Variants in GTF3C2 observed in about 807,000 individuals in gnomAD.
GTF3C2 encodes the protein general transcription factor IIIC subunit 2, also known as general transcription factor 3C polypeptide 2.
In GTF3C2, 17 loss-of-function variants were observed where a neutral mutation model predicts 117.4. The ratio of observed to expected loss-of-function variants is 0.14; its 90% CI spans 0.10 to 0.22. The LOEUF is 0.22. Among genes scored for constraint, GTF3C2 ranks in the 10% least tolerant of loss-of-function variants. The probability of loss-of-function intolerance (pLI) is 1.00; values close to 1 mark genes in which losing one functional copy is unlikely to be tolerated. For missense variants in GTF3C2, 888 were observed against 1,143.6 expected (o/e 0.78, Z 3.22); for synonymous variants, 437 against 427.0 (o/e 1.02, Z -0.29).
chr2:27,351,419 TATAAA>T (rs1328815736), intron 1 of GTF3C2, among the ~76,000 whole-genome samples: 1 of 151,890 alleles, frequency 6.6e-6, no homozygotes, highest in African/African-American at 2.4e-5. Context: ...ATCTCAAAAA[TATAAA>T]ATAAAATAAT....
chr2:27,326,031 T>C (rs1680062680), exon 19 of GTF3C2: 1 of 261,216 alleles, frequency 3.8e-6, no homozygotes, highest in African/African-American at 2.2e-5. Flanking sequence ...AAAACATGAC[T>C]GTTCAGGAGT....
At chr2:27,349,136 CTGAT>C (rs1558623456) in intron 1 of GTF3C2, among the ~76,000 whole-genome samples, 2 of 114,100 alleles carry the variant, frequency 1.8e-5, no homozygotes, top group Admixed American at 9.4e-5. Context: ...TGTGCCCAGC[CTGAT>C]TTGATTTTTT....
intron 12 of GTF3C2, among the ~76,000 whole-genome samples, chr2:27,331,390 G>C (rs920524875): frequency 9.2e-5 from 14 of 152,122 alleles, no homozygotes; most frequent in African/African-American, 3.4e-4. Flanking sequence ...GCAGTGGCAC[G>C]ATCTTGGCTC....
intron 1 of GTF3C2, chr2:27,350,427 G>C: frequency 1.0e-6 from 1 of 985,504 alleles, no homozygotes; most frequent in Non-Finnish European, 1.2e-6. Flanking sequence ...TCACGATGAG[G>C]GTTGAGGGAA....
intron 1 of GTF3C2, chr2:27,356,075 G>A (rs892216213): frequency 1.4e-5 from 18 of 1,285,416 alleles, no homozygotes; most frequent in Non-Finnish European, 1.7e-5. Context: ...GAACAAAGAG[G>A]TTTGTCCATA....
chr2:27,347,310 A>G (rs1024042906), intron 1 of GTF3C2, among the ~76,000 whole-genome samples: 1 of 152,236 alleles, frequency 6.6e-6, no homozygotes, highest in Non-Finnish European at 1.5e-5. Context: ...TACAAATCCC[A>G]TAAGAAATAT....
rs1680211463 is a variant in GTF3C2, at chr2:27,329,659, A to G, written c.1733-136T>C. On this transcript the variant is annotated intron_variant, in intron 12 of 18. Transcript: ENST00000264720. This position sits in a 1 kb window ranked among gnomAD's most constrained non-coding sequence, Gnocchi z 4.5. Reference sequence around the variant, plus strand: ...ACTATGAAAGGATGTGGGGATCCTGATTAGCTATCCAACACTCCCTCCAGG... The same window carrying G: ...ACTATGAAAGGATGTGGGGATCCTGGTTAGCTATCCAACACTCCCTCCAGG... The G allele has an allele frequency of 3.9e-6, 3 of 771,468 alleles. No homozygotes were observed. Among genetic ancestry groups the G allele is most frequent in the Non-Finnish European group, 4.2e-6 (2 of 473,198 alleles). The allele number at this position is 771,468 out of a possible 1,614,324, so 47.8% of individuals were successfully genotyped here.
chr2:27,331,832 C>G (rs1680281387), intron 12 of GTF3C2, among the ~76,000 whole-genome samples: 1 of 151,940 alleles, frequency 6.6e-6, no homozygotes, highest in East Asian at 1.9e-4. Flanking sequence ...CCAACTACTC[C>G]AGAGGCTGAG....
rs560755846 is a variant in GTF3C2 at position 27,331,248 on chromosome 2, G to A, written c.1733-1725C>T. 1.1e-4 allele frequency among the ~76,000 whole-genome samples: 16 copies of A among 152,284 alleles called. No homozygotes were observed. The East Asian group carries it at 1.4e-3, about 13-fold the overall frequency. On this transcript the variant is annotated intron_variant, in intron 12 of 18. Transcript: ENST00000264720. ...ATACCACCAAAAGAAAAAACATGGC[G>A]AAAGGGATGATAAAAAGACGTGTAA...
intron 1 of GTF3C2, among the ~76,000 whole-genome samples, chr2:27,344,776 G>C (rs1259106698): frequency 6.6e-6 from 1 of 152,024 alleles, no homozygotes; most frequent in Non-Finnish European, 1.5e-5. Flanking sequence ...TTGAGGCCAG[G>C]AGTTCAAGAC....
At chr2:27,353,137 G>A (rs1012765671) in intron 1 of GTF3C2, among the ~76,000 whole-genome samples, 2 of 152,168 alleles carry the variant, frequency 1.3e-5, no homozygotes, top group Non-Finnish European at 2.9e-5. Context: ...GCTCATGCCT[G>A]TAATCTCAGC....
chr2:27,333,447 G>A (rs978884523), intron 12 of GTF3C2, among the ~76,000 whole-genome samples: 4 of 151,772 alleles, frequency 2.6e-5, no homozygotes, highest in East Asian at 1.9e-4. Context: ...GAGCTACCGC[G>A]CCTGGCCCAG....
chr2:27,355,644 G>A (rs1681343640), intron 1 of GTF3C2, among the ~76,000 whole-genome samples: 1 of 152,106 alleles, frequency 6.6e-6, no homozygotes, highest in South Asian at 2.1e-4. Flanking sequence ...ACCTTCCATT[G>A]CACCCCAATC....
At chr2:27,336,332 C>T (rs2148279139) in exon 8 of GTF3C2, 1 of 1,613,454 alleles carries the variant, frequency 6.2e-7, no homozygotes, top group Admixed American at 1.7e-5. Flanking sequence ...CTCCTGCCCC[C>T]TCTGGCACTG....
chr2:27,331,667 G>A (rs1350411663), intron 12 of GTF3C2, among the ~76,000 whole-genome samples: 3 of 151,802 alleles, frequency 2.0e-5, no homozygotes, highest in Admixed American at 6.6e-5. Flanking sequence ...GCCAGGCATG[G>A]TAACTCTCAT....
At chr2:27,342,716 C>T (rs1265325708) in intron 3 of GTF3C2, 110 bp downstream of exon 3, 12 of 791,226 alleles carry the variant, frequency 1.5e-5, no homozygotes, top group Admixed American at 1.2e-4. Flanking sequence ...AGAATCCAGA[C>T]ACCACCCCTG....
intron 10 of GTF3C2, 86 bp from the exon 11 acceptor site, chr2:27,334,085 G>A (rs574442235): frequency 1.1e-6 from 1 of 950,158 alleles, no homozygotes; most frequent in East Asian, 2.4e-5. Flanking sequence ...GAGTGCAGTG[G>A]CATGATCATG....
At chr2:27,331,000 T>C (rs1680255864) in intron 12 of GTF3C2, among the ~76,000 whole-genome samples, 1 of 152,150 alleles carries the variant, frequency 6.6e-6, no homozygotes, top group African/African-American at 2.4e-5. Context: ...ATGCCTGTAG[T>C]CTCAGCTACT....
rs1680203736 is a variant in GTF3C2, at chr2:27,329,423, G to A, written c.1833C>T (p.Ala611=). The A allele has an allele frequency of 6.2e-7, 1 of 1,613,962 alleles. No individual in the cohort carries two copies. The highest frequency in any genetic ancestry group is 1.1e-5 in the South Asian group (1 of 91,082). The change falls in exon 13 of 19, where the codon GCC becomes GCT. Residue 611 remains alanine (A), a synonymous_variant. Transcript: ENST00000264720. This position sits in a 1 kb window ranked among gnomAD's most constrained non-coding sequence, Gnocchi z 4.5. Reference sequence around the variant, plus strand: ...GAAGGGTACGCACAGCCTGGTCATGGGCTAGGAAACACTGGAAGGGGTAGA... The same window carrying A: ...GAAGGGTACGCACAGCCTGGTCATGAGCTAGGAAACACTGGAAGGGGTAGA...
Sources: allele counts gnomAD v4.1 joint callset (sites outside exome capture counted in the v4.1 genomes callset), GRCh38; gene constraint gnomAD v4.1.1; non-coding constraint Gnocchi (gnomAD v3.1); transcripts MANE v1.5; gene names NCBI Gene and HGNC (gene_info 2026-07-23, HGNC 2026-07-21).